The following ZNF107 variants were observed in gnomAD, a reference collection of about 807,000 sequenced individuals.
ZNF107 encodes the protein zinc finger protein 107.
Under a neutral mutation model 12.3 loss-of-function variants are expected in ZNF107, and 19 were observed. The observed-to-expected ratio is 1.55, with a 90% CI of 1.08 to 2.27. The LOEUF (loss-of-function observed/expected upper bound fraction) is 2.27. Among genes scored for constraint, ZNF107 ranks in the 30% most tolerant of loss-of-function variants. ZNF107 has a pLI of 0.00. For missense variants in ZNF107, 958 were observed against 979.9 expected, an observed-to-expected ratio of 0.98 and a Z score of 0.30; for synonymous variants, 317 against 330.5, an observed-to-expected ratio of 0.96 and a Z score of 0.44.
Position 64,706,330 on chromosome 7 carries a change from C to A in ZNF107, c.233C>A (p.Ser78Tyr), listed in dbSNP as rs775743309. Residue 78 changes from serine (S) to tyrosine (Y), a missense_variant, in exon 4 of 4, where the codon TCT (serine) becomes TAT (tyrosine). Coordinates refer to ENST00000620827, the MANE Select transcript of ZNF107 (RefSeq NM_001282359.2). The stretch of plus-strand genomic sequence containing the variant: ...TTATTTTTATTTCTTTCAGTAATGT[C>A]TTTTCATTTTGCCCAAGACCTTTGG... Reference protein sequence around the residue: ...HEMVAKPPVMSFHFAQDLWPE... With the variant: ...HEMVAKPPVMYFHFAQDLWPE... The A allele has an allele frequency of 4.6e-6, 7 of 1,534,278 alleles. No individual in the cohort carries two copies. In the Admixed American group the frequency reaches 6.4e-5, roughly 14 times the overall value.
chr7:64,674,560 A>T (rs1368374989), intron 1 of ZNF107, among the ~76,000 whole-genome samples: 1 of 152,110 alleles, frequency 6.6e-6, no homozygotes, highest in African/African-American at 2.4e-5. Flanking sequence ...GGATAGTTTG[A>T]CTTGTTTGCT....
At chr7:64,685,136 G>T (rs976520272) in intron 1 of ZNF107, among the ~76,000 whole-genome samples, 2 of 152,040 alleles carry the variant, frequency 1.3e-5, no homozygotes, top group African/African-American at 2.4e-5. Context: ...CAACTTTTAC[G>T]CTCCTACATG....
rs1357578748 is a variant in ZNF107 at position 64,666,401 on chromosome 7, C to G, written c.3+116C>G. ...GTCCGCGGCCCCAAGTTCTCCTTGG[C>G]GCAGCTCGGCCCTCAGTCCCCCGCG... On this transcript the variant is annotated intron_variant, in intron 1 of 3. Coordinates refer to ENST00000620827, the MANE Select transcript of ZNF107 (RefSeq NM_001282359.2). The G allele has an allele frequency of 1.1e-5, 16 of 1,405,412 alleles. No homozygotes were observed. In the Admixed American group the frequency reaches 2.5e-4, roughly 22 times the overall value. The allele number at this position is 1,405,412 out of a possible 1,614,324, so 87.1% of individuals were successfully genotyped here. A position where few individuals can be genotyped will look rare whatever the true frequency, so the allele number is the denominator to read the frequency against.
rs538471265 is a variant in ZNF107 at position 64,676,406 on chromosome 7, A to C, written c.3+10121A>C. Among the ~76,000 whole-genome samples the C allele has an allele frequency of 2.0e-5, 3 of 152,234 alleles. No individual in the cohort carries two copies. The East Asian group carries it at 5.8e-4, about 29-fold the overall frequency. On this transcript the variant is annotated intron_variant, in intron 1 of 3. Coordinates refer to ENST00000620827, the MANE Select transcript of ZNF107 (RefSeq NM_001282359.2). Reference sequence around the variant, plus strand: ...TATTAGGACTATTTGGTCAAGTGTTACATTTAGGTCCTGATATCTTTGTTA... The same window carrying C: ...TATTAGGACTATTTGGTCAAGTGTTCCATTTAGGTCCTGATATCTTTGTTA...
At position 64,706,556 on chromosome 7, in the gene ZNF107, C is replaced by T. The variant is rs1238514431; in HGVS notation, c.459C>T (p.Val153=). The T allele has an allele frequency of 6.2e-7, 1 of 1,607,372 alleles. No homozygotes were observed. Among genetic ancestry groups the T allele is most frequent in the Admixed American group, 1.7e-5 (1 of 58,450 alleles). Residue 153 remains valine (V), a synonymous_variant, in exon 4 of 4, where the codon GTC becomes GTT. Coordinates refer to ENST00000620827, the MANE Select transcript of ZNF107 (RefSeq NM_001282359.2). The part of the protein sequence containing the change: ...KIFQCNKYVK[V]FDKFSNSNRY... ...TCCAGTGTAATAAATATGTGAAAGT[C>T]TTTGATAAATTTTCAAATTCAAATA...
Position 64,707,787 on chromosome 7 carries a change from C to T in ZNF107, c.1690C>T (p.Pro564Ser), listed in dbSNP as rs751282642. 2 of 1,611,904 alleles carry T rather than the reference C, an allele frequency of 1.2e-6. No homozygotes were observed. The highest frequency in any genetic ancestry group is 1.7e-6 in the Non-Finnish European group (2 of 1,179,330). Residue 564 changes from proline to serine, a missense_variant, in exon 4 of 4, where the codon CCC (proline) becomes TCC (serine). Coordinates refer to ENST00000620827, the MANE Select transcript of ZNF107 (RefSeq NM_001282359.2). Reference sequence around the variant, plus strand: ...TAAGAGAATTCATACTGGAGAAAAACCCTATAAATGTGAAGAATGTGGAAA... The same window carrying T: ...TAAGAGAATTCATACTGGAGAAAAATCCTATAAATGTGAAGAATGTGGAAA... The part of the protein sequence containing the change: ...KHKRIHTGEK[P>S]YKCEECGKAF...
At chr7:64,683,456 C>T (rs1191896411) in intron 1 of ZNF107, among the ~76,000 whole-genome samples, 1 of 152,188 alleles carries the variant, frequency 6.6e-6, no homozygotes, top group Non-Finnish European at 1.5e-5. Context: ...AGTCTCTGCT[C>T]CAAAAGACCA....
intron 1 of ZNF107, among the ~76,000 whole-genome samples, chr7:64,678,166 A>T (rs1482245129): frequency 1.3e-5 from 2 of 152,204 alleles, no homozygotes; most frequent in African/African-American, 2.4e-5. Context: ...CAAATTTTTT[A>T]AAATTTTTTA....
At position 64,700,506 on chromosome 7, in the gene ZNF107, C is replaced by CTTTTT. The variant is rs141980471; in HGVS notation, c.227-5793_227-5789dup. ...GTCTGTCAAACCAAGCCAAATAAACCTTTTTTTTTTTTTTTTTTTTTTTTT... is the reference window on the plus strand; with the variant it reads ...GTCTGTCAAACCAAGCCAAATAAACCTTTTTTTTTTTTTTTTTTTTTTTTTTTTTT... On this transcript the variant is annotated intron_variant, in intron 3 of 3. Coordinates refer to ENST00000620827, the MANE Select transcript of ZNF107 (RefSeq NM_001282359.2). Among the ~76,000 whole-genome samples, 652 of 66,250 alleles carry CTTTTT rather than the reference C, an allele frequency of 9.8e-3. 113 individuals are homozygous for CTTTTT. The highest frequency in any genetic ancestry group is 0.013 in the Non-Finnish European group (510 of 38,892). The allele number at this position is 66,250 out of a possible 152,430, so 43.5% of individuals were successfully genotyped here.
Position 64,711,493 on chromosome 7 carries a change from G to T in ZNF107, c.*2837G>T, listed in dbSNP as rs1463733602. ...TAGAATGTACAGTCGTTACTACAGG[G>T]TCATTTTATGGTTATAATAAAAATT... On this transcript the variant is annotated 3_prime_UTR_variant, in exon 4 of 4. Coordinates refer to ENST00000620827, the MANE Select transcript of ZNF107 (RefSeq NM_001282359.2). 1 of 152,142 alleles carries T rather than the reference G, an allele frequency of 6.6e-6. No individual in the cohort carries two copies. Among genetic ancestry groups the T allele is most frequent in the East Asian group, 1.9e-4 (1 of 5,180 alleles). The allele number at this position is 152,142 out of a possible 1,614,324, so 9.4% of individuals were successfully genotyped here.
chr7:64,706,204 C>T, intron 3 of ZNF107, 120 bp from the exon 4 acceptor site: 2 of 894,208 alleles, frequency 2.2e-6, no homozygotes, highest in Non-Finnish European at 3.2e-6. Flanking sequence ...AAATTAGAGC[C>T]TGTGGTATTT....
Position 64,709,544 on chromosome 7 carries a change from A to G in ZNF107, c.*888A>G. 1 of 372,226 alleles carries G rather than the reference A, an allele frequency of 2.7e-6. No homozygotes were observed. The highest frequency in any genetic ancestry group is 5.2e-6 in the Non-Finnish European group (1 of 192,942). 23.1% of individuals were successfully genotyped at this position (372,226 alleles called of 1,614,324 possible). ...GTGAAAAATCCTAGAAATGTGAAAA[A>G]TATCACAAAGCCTTTAAATGGTTGT... On this transcript the variant is annotated 3_prime_UTR_variant, in exon 4 of 4. Coordinates refer to ENST00000620827, the MANE Select transcript of ZNF107 (RefSeq NM_001282359.2).
Position 64,707,643 on chromosome 7 carries a change from A to G in ZNF107, c.1546A>G (p.Arg516Gly). The change falls in exon 4 of 4, where the codon AGA (arginine) becomes GGA (glycine). Residue 516 changes from arginine to glycine, a missense_variant. Physicochemically the swap from Arg to Gly is moderately radical, Grantham distance 125. Transcript: ENST00000620827. The stretch of plus-strand genomic sequence containing the variant: ...ACCCTACAAATGTGAAGAATGTGAC[A>G]GAGCTTTTAGCCAGTCTTCAAACCT... ...EKPYKCEECDRAFSQSSNLTE... is the reference protein window; with the variant it reads ...EKPYKCEECDGAFSQSSNLTE... 6.2e-7 allele frequency: 1 copy of G among 1,613,092 alleles called. No individual in the cohort carries two copies. Among genetic ancestry groups the G allele is most frequent in the Non-Finnish European group, 8.5e-7 (1 of 1,179,686 alleles).
rs569636793 is a variant in ZNF107 at position 64,709,772 on chromosome 7, A to G, written c.*1116A>G. ...CAACATTAGAGAGTTAGTACGTAAT[A>G]AAAGCATTATAAATGCAATTTTTGT... On this transcript the variant is annotated 3_prime_UTR_variant, in exon 4 of 4. Coordinates refer to ENST00000620827, the MANE Select transcript of ZNF107 (RefSeq NM_001282359.2). 13 of 451,772 alleles carry G rather than the reference A, an allele frequency of 2.9e-5. No individual in the cohort carries two copies. The highest frequency in any genetic ancestry group is 1.2e-4 in the African/African-American group (6 of 49,838). The allele number at this position is 451,772 out of a possible 1,614,324, so 28.0% of individuals were successfully genotyped here.
chr7:64,671,783 T>A (rs1428148716), intron 1 of ZNF107, among the ~76,000 whole-genome samples: 2 of 145,494 alleles, frequency 1.4e-5, no homozygotes, highest in Non-Finnish European at 3.0e-5. Flanking sequence ...TTTGTTCTTT[T>A]TTTTTTTTTT....
At position 64,666,265 on chromosome 7, in the gene ZNF107, C is replaced by T. The variant is rs1788995821; in HGVS notation, c.-18C>T. 21 of 1,609,350 alleles carry T rather than the reference C, an allele frequency of 1.3e-5. No homozygotes were observed. The highest frequency in any genetic ancestry group is 2.2e-5 in the East Asian group (1 of 44,694). On this transcript the variant is annotated 5_prime_UTR_variant, in exon 1 of 4. Transcript: ENST00000620827. ...GAGATCCACAGCTAAGACGCCGGGA[C>T]TCCCTGGAAACCTAGAAATGGTGAG...
rs781478095 is a variant in ZNF107, at chr7:64,706,981, G to A, written c.884G>A (p.Ser295Asn). The part of the protein sequence containing the change: ...YKYEECGKVF[S>N]QSSHLTTQKI... ...TATGAAGAATGTGGCAAAGTCTTTAGCCAGTCCTCACACCTTACTACACAA... is the reference window on the plus strand; with the variant it reads ...TATGAAGAATGTGGCAAAGTCTTTAACCAGTCCTCACACCTTACTACACAA... The change falls in exon 4 of 4, where the codon AGC becomes AAC. Residue 295 changes from serine (S) to asparagine (N), a missense_variant. Transcript: ENST00000620827. 4.3e-6 allele frequency: 7 copies of A among 1,611,194 alleles called. No individual in the cohort carries two copies. The African/African-American group carries it at 9.4e-5, about 22-fold the overall frequency.
intron 1 of ZNF107, among the ~76,000 whole-genome samples, chr7:64,668,130 CAT>C (rs749077389): frequency 8.6e-5 from 13 of 151,956 alleles, no homozygotes; most frequent in Non-Finnish European, 1.2e-4. Flanking sequence ...TGACTTGACA[CAT>C]GAGTCAGACA....
intron 3 of ZNF107, among the ~76,000 whole-genome samples, chr7:64,692,999 C>A (rs921112557): frequency 6.0e-5 from 9 of 151,216 alleles, no homozygotes; most frequent in Non-Finnish European, 1.0e-4. Context: ...TTTTATTTTT[C>A]TTTATTTATT....
Sources: allele counts gnomAD v4.1 joint callset (sites outside exome capture counted in the v4.1 genomes callset), GRCh38; gene constraint gnomAD v4.1.1; transcripts MANE v1.5; gene names NCBI Gene and HGNC (gene_info 2026-07-23, HGNC 2026-07-21).